MAPK8IP3: variants seen among roughly 807,000 people sequenced by gnomAD.
MAPK8IP3 encodes mitogen-activated protein kinase 8 interacting protein 3, also known as C-Jun-amino-terminal kinase-interacting protein 3.
A neutral mutation model predicts 157.8 loss-of-function variants in MAPK8IP3; 49 were observed. The ratio of observed to expected loss-of-function variants is 0.31; its 90% CI spans 0.25 to 0.39. The LOEUF (loss-of-function observed/expected upper bound fraction) is 0.39. MAPK8IP3 is among the 10% of genes least tolerant of loss of function. The pLI is 1.00. For synonymous variants in MAPK8IP3, 897 were observed against 777.7 expected, an observed-to-expected ratio of 1.15 and a Z score of -2.55; for missense variants, 1,478 against 1,889.4, an observed-to-expected ratio of 0.78 and a Z score of 4.04.
At position 1,768,636 on chromosome 16, in the gene MAPK8IP3, G is replaced by T. The variant is rs753694443; in HGVS notation, c.3892+10G>T. ...ATCGACTTCCGCATTGGTGAGCGGGGCCCAGGGACAGGGCTGAGGTTGGGC... is the reference window on the plus strand; with the variant it reads ...ATCGACTTCCGCATTGGTGAGCGGGTCCCAGGGACAGGGCTGAGGTTGGGC... On this transcript the variant is annotated intron_variant, in intron 31 of 31. Coordinates refer to ENST00000610761, the MANE Select transcript of MAPK8IP3 (RefSeq NM_001318852.2). 4 of 1,608,340 alleles carry T rather than the reference G, an allele frequency of 2.5e-6. No homozygotes were observed. The highest frequency in any genetic ancestry group is 2.7e-5 in the African/African-American group (2 of 74,882).
chr16:1,738,597 C>T (rs1397344101), intron 4 of MAPK8IP3, among the ~76,000 whole-genome samples: 7 of 122,342 alleles, frequency 5.7e-5, no homozygotes, highest in Non-Finnish European at 1.2e-4. Context: ...TCCATGTGAG[C>T]ATCTGTGTGA....
chr16:1,712,689 A>G (rs574114805), intron 1 of MAPK8IP3, among the ~76,000 whole-genome samples: 1 of 152,242 alleles, frequency 6.6e-6, no homozygotes, highest in East Asian at 1.9e-4. Context: ...CACCAGCCTC[A>G]TCTGCCTCTG....
intron 1 of MAPK8IP3, among the ~76,000 whole-genome samples, chr16:1,722,558 T>A (rs1209321283): frequency 3.3e-5 from 5 of 152,038 alleles, no homozygotes; most frequent in Non-Finnish European, 5.9e-5. Context: ...TCTGAGAAAC[T>A]CTTTTGTCTT....
At chr16:1,744,523 A>T in intron 5 of MAPK8IP3, 1 of 985,510 alleles carries the variant, frequency 1.0e-6, no homozygotes, top group Non-Finnish European at 1.2e-6. Context: ...GGCTGGAGAG[A>T]GGGTGGCGGG....
Position 1,710,840 on chromosome 16 carries a change from A to G in MAPK8IP3, c.318+4183A>G, listed in dbSNP as rs1338707636. On this transcript the variant is annotated intron_variant, in intron 1 of 31. Coordinates refer to ENST00000610761, the MANE Select transcript of MAPK8IP3 (RefSeq NM_001318852.2). The surrounding 1 kb of genome is among the most constrained non-coding windows in gnomAD (Gnocchi z 4.1). Reference sequence around the variant, plus strand: ...TGGGGCTGCCAGAGCTGCCTTTCCTAGGTGCCTCTGAAAGCTGGCCTGGTG... The same window carrying G: ...TGGGGCTGCCAGAGCTGCCTTTCCTGGGTGCCTCTGAAAGCTGGCCTGGTG... Among the ~76,000 whole-genome samples, 1 of 152,254 alleles carries G rather than the reference A, an allele frequency of 6.6e-6. No homozygotes were observed. Among genetic ancestry groups the G allele is most frequent in the Non-Finnish European group, 1.5e-5 (1 of 68,036 alleles).
chr16:1,740,673 C>T (rs900972622), intron 4 of MAPK8IP3, among the ~76,000 whole-genome samples: 6 of 152,184 alleles, frequency 3.9e-5, no homozygotes, highest in Non-Finnish European at 7.4e-5. Context: ...CGTGTGCTGC[C>T]GTGTCTGTCG....
chr16:1,736,244 G>A (rs1265137144), intron 4 of MAPK8IP3, among the ~76,000 whole-genome samples: 1 of 99,686 alleles, frequency 1.0e-5, no homozygotes, highest in Non-Finnish European at 2.0e-5. Flanking sequence ...ATCCGTGTGA[G>A]CGTGTGACTG....
In MAPK8IP3 at chr16:1,744,518, G is replaced by C. The variant is rs971349035; in HGVS notation, c.747+1042G>C. The C allele has an allele frequency of 1.6e-5, 16 of 985,608 alleles. No individual in the cohort carries two copies. In the South Asian group the frequency reaches 1.9e-4, roughly 12 times the overall value. 61.1% of individuals were successfully genotyped at this position (985,608 alleles called of 1,614,324 possible). On this transcript the variant is annotated intron_variant, in intron 5 of 31. Coordinates refer to ENST00000610761, the MANE Select transcript of MAPK8IP3 (RefSeq NM_001318852.2). ...CCTGTCCTCCCTGTGCTCAGGGCTG[G>C]AGAGAGGGTGGCGGGGCTGCGGGCT...
intron 1 of MAPK8IP3, among the ~76,000 whole-genome samples, chr16:1,722,990 C>T (rs1251622362): frequency 1.3e-5 from 2 of 151,526 alleles, no homozygotes; most frequent in African/African-American, 2.4e-5. Flanking sequence ...CGTGAGCCAC[C>T]GTGCCTGGCC....
At position 1,765,270 on chromosome 16, in the gene MAPK8IP3, C is replaced by T. The variant is rs1306138335; in HGVS notation, c.2446+92C>T. On this transcript the variant is annotated intron_variant, in intron 20 of 31. Transcript: ENST00000610761. ...CCCTGCCACACAGCAGCTGCCTTCT[C>T]GGGGTGTCCTGTGGACACGGGAATG... The T allele has an allele frequency of 7.1e-6, 10 of 1,417,176 alleles. No individual in the cohort carries two copies. The East Asian group carries it at 7.6e-5, about 11-fold the overall frequency. The allele number at this position is 1,417,176 out of a possible 1,614,324, so 87.8% of individuals were successfully genotyped here. A position where few individuals can be genotyped will look rare whatever the true frequency, so the allele number is the denominator to read the frequency against.
chr16:1,732,135 G>A (rs1255503303), intron 4 of MAPK8IP3, among the ~76,000 whole-genome samples: 5 of 152,218 alleles, frequency 3.3e-5, no homozygotes, highest in African/African-American at 1.2e-4. Context: ...CCAGAGACGC[G>A]ACCTGGGCTG....
chr16:1,767,768 G>A (rs765525370), intron 27 of MAPK8IP3, 33 bp downstream of exon 27: 31 of 1,611,394 alleles, frequency 1.9e-5, no homozygotes, highest in Non-Finnish European at 2.5e-5. Context: ...GTGGTGGGGT[G>A]CTCAAGGCCA....
Position 1,756,573 on chromosome 16 carries a change from A to G in MAPK8IP3, c.1217-1575A>G, listed in dbSNP as rs923386272. The stretch of plus-strand genomic sequence containing the variant: ...CAAGGTGGGCAGATTGCTTGAGCCC[A>G]GGAGTTGAAGACCAGCCTGGGCAAC... On this transcript the variant is annotated intron_variant, in intron 8 of 31. Transcript: ENST00000610761. Among the ~76,000 whole-genome samples the G allele has an allele frequency of 3.8e-4, 57 of 151,620 alleles. 1 individual carries two copies. Among genetic ancestry groups the G allele is most frequent in the African/African-American group, 1.3e-3 (54 of 41,262 alleles).
chr16:1,766,225 G>T lies in MAPK8IP3; in HGVS notation c.2635G>T (p.Val879Leu). The change falls in exon 22 of 32, where the codon GTG (valine) becomes TTG (leucine). Residue 879 changes from valine (V) to leucine (L), a missense_variant. Physicochemically the swap from Val to Leu is conservative, Grantham distance 32. Transcript: ENST00000610761. The stretch of plus-strand genomic sequence containing the variant: ...GCTCACCTCTCCTAACACAGGGGAG[G>T]TGGCCACCATCGCCAACGGGAAGGT... ...TPVLDKGQGE[V>L]ATIANGKVNP... 1 of 1,609,314 alleles carries T rather than the reference G, an allele frequency of 6.2e-7. No homozygotes were observed. The highest frequency in any genetic ancestry group is 8.5e-7 in the Non-Finnish European group (1 of 1,177,948).
Position 1,741,323 on chromosome 16 carries a change from GC to G in MAPK8IP3, c.603-2007del, listed in dbSNP as rs2040665307. ...ACGAGCCTGAGGCCAGGGCCTGGGGGCCGGTGGGGAGGAGCAAAGGAAAGAG... is the reference window on the plus strand; with the variant it reads ...ACGAGCCTGAGGCCAGGGCCTGGGGGCGGTGGGGAGGAGCAAAGGAAAGAG... On this transcript the variant is annotated intron_variant, in intron 4 of 31. Coordinates refer to ENST00000610761, the MANE Select transcript of MAPK8IP3 (RefSeq NM_001318852.2). This position sits in a 1 kb window ranked among gnomAD's most constrained non-coding sequence, Gnocchi z 6.9. Among the ~76,000 whole-genome samples, 1 of 152,224 alleles carries G rather than the reference GC, an allele frequency of 6.6e-6. No homozygotes were observed. The highest frequency in any genetic ancestry group is 2.1e-4 in the South Asian group (1 of 4,834).
At chr16:1,708,453 A>G (rs1300372969) in intron 1 of MAPK8IP3, among the ~76,000 whole-genome samples, 1 of 152,218 alleles carries the variant, frequency 6.6e-6, no homozygotes, top group Non-Finnish European at 1.5e-5. Flanking sequence ...CTGTGTGGTC[A>G]GTATAGTGGA....
chr16:1,726,246 TAAGACC>T lies in MAPK8IP3; in HGVS notation c.439+1570_439+1575del, dbSNP rs1341779803. Among the ~76,000 whole-genome samples, 4 of 152,318 alleles carry T rather than the reference TAAGACC, an allele frequency of 2.6e-5. No individual in the cohort carries two copies. The East Asian group carries it at 7.7e-4, about 29-fold the overall frequency. On this transcript the variant is annotated intron_variant, in intron 2 of 31. Coordinates refer to ENST00000610761, the MANE Select transcript of MAPK8IP3 (RefSeq NM_001318852.2). Reference sequence around the variant, plus strand: ...TGGCATTCACAATGCAAAGCAAACCTAAGACCCGTGCTGAGCATACCTAGGTAATGC... The same window carrying T: ...TGGCATTCACAATGCAAAGCAAACCTCGTGCTGAGCATACCTAGGTAATGC...
chr16:1,708,691 A>G (rs886924671), intron 1 of MAPK8IP3, among the ~76,000 whole-genome samples: 22 of 151,986 alleles, frequency 1.4e-4, no homozygotes, highest in African/African-American at 2.2e-4. Flanking sequence ...GAGACCCACC[A>G]TTGCCCCAGC....
chr16:1,730,385 C>T (rs1029941397), intron 4 of MAPK8IP3, among the ~76,000 whole-genome samples: 2 of 151,982 alleles, frequency 1.3e-5, no homozygotes, highest in African/African-American at 4.8e-5. Flanking sequence ...GGGTGGATCA[C>T]TTGAGGTCAG....
Sources: gnomAD v4.1 joint callset for allele counts (sites outside exome capture counted in the v4.1 genomes callset) on GRCh38, gnomAD v4.1.1 for gene constraint, Gnocchi (gnomAD v3.1) non-coding constraint, MANE v1.5 for transcripts, NCBI Gene and HGNC (gene_info 2026-07-23, HGNC 2026-07-21) for gene names.